The following COL6A6 variants were observed in gnomAD, a reference collection of about 807,000 sequenced individuals.
The protein encoded by COL6A6 is collagen type VI alpha 6 chain.
COL6A6 carries 183 observed loss-of-function variants against 208.6 expected under a neutral mutation model. The ratio of observed to expected loss-of-function variants is 0.88; its 90% CI spans 0.78 to 0.99. The LOEUF is 0.99. COL6A6 is among the 50% of genes least tolerant of loss of function. The pLI is 0.00. For synonymous variants in COL6A6, 973 were observed against 1,011.8 expected, an observed-to-expected ratio of 0.96 and a Z score of 0.73; for missense variants, 2,816 against 2,815.2, an observed-to-expected ratio of 1.00 and a Z score of -0.01.
chr3:130,525,307 G>C (rs2061937252), intron 1 of COL6A6, among the ~76,000 whole-genome samples: 1 of 152,118 alleles, frequency 6.6e-6, no homozygotes, highest in Non-Finnish European at 1.5e-5. Context: ...TATTTTTCAT[G>C]GTAAGAGGAA....
chr3:130,557,479 A>G (rs2062792520), intron 1 of COL6A6, among the ~76,000 whole-genome samples: 1 of 152,230 alleles, frequency 6.6e-6, no homozygotes, highest in African/African-American at 2.4e-5. Flanking sequence ...AATGGCTTGC[A>G]GAAAGGAAAT....
chr3:130,584,620 A>T (rs1160859434), intron 10 of COL6A6, among the ~76,000 whole-genome samples: 2 of 151,436 alleles, frequency 1.3e-5, no homozygotes, highest in Non-Finnish European at 2.9e-5. Flanking sequence ...TTTTTAAATT[A>T]ATTTATTTTT....
At chr3:130,529,149 T>A (rs1018551912) in intron 1 of COL6A6, among the ~76,000 whole-genome samples, 2 of 152,100 alleles carry the variant, frequency 1.3e-5, no homozygotes, top group African/African-American at 4.8e-5. Context: ...TAGCCCCTTA[T>A]TCTCTTTGCC....
At chr3:130,552,344 G>C (rs990446625) in intron 1 of COL6A6, among the ~76,000 whole-genome samples, 2 of 152,198 alleles carry the variant, frequency 1.3e-5, no homozygotes, top group African/African-American at 4.8e-5. Flanking sequence ...ACCTATTTAG[G>C]ATAGTTAGAT....
At chr3:130,525,393 G>A (rs148189759) in intron 1 of COL6A6, among the ~76,000 whole-genome samples, 3 of 152,298 alleles carry the variant, frequency 2.0e-5, no homozygotes, top group Non-Finnish European at 2.9e-5. Flanking sequence ...TCAAAATGGC[G>A]ATGTTTGAGA....
At chr3:130,641,769 G>A in intron 29 of COL6A6, 55 bp downstream of exon 29, 11 of 945,974 alleles carry the variant, frequency 1.2e-5, no homozygotes, top group Non-Finnish European at 1.6e-5. Flanking sequence ...AAAAAAAAAA[G>A]TCAGTGCATG....
rs983235754 is a variant in COL6A6, at chr3:130,598,239, A to G, written c.4534-126A>G. On this transcript the variant is annotated intron_variant, in intron 18 of 36. Coordinates refer to ENST00000358511, the MANE Select transcript of COL6A6 (RefSeq NM_001102608.3). ...TGTAAGCCATCTGTAATTTTAACCT[A>G]TTTCTGCTTTCAAATGGGTTGGAAT... The G allele has an allele frequency of 1.3e-5, 8 of 621,872 alleles. No homozygotes were observed. The African/African-American group carries it at 1.5e-4, about 11-fold the overall frequency. 38.5% of individuals were successfully genotyped at this position (621,872 alleles called of 1,614,324 possible).
chr3:130,633,915 G>T (rs2065017327), intron 26 of COL6A6, among the ~76,000 whole-genome samples: 1 of 37,236 alleles, frequency 2.7e-5, no homozygotes, highest in Non-Finnish European at 3.7e-5. Context: ...GGTCGGGGGA[G>T]GGGGGAGGGA....
Position 130,676,585 on chromosome 3 carries a change from G to C in COL6A6, c.*1188G>C. 6.6e-6 allele frequency: 1 copy of C among 152,228 alleles called. No individual in the cohort carries two copies. Among genetic ancestry groups the C allele is most frequent in the Middle Eastern group, 3.2e-3 (1 of 316 alleles). 9.4% of individuals were successfully genotyped at this position (152,228 alleles called of 1,614,324 possible). On this transcript the variant is annotated 3_prime_UTR_variant, in exon 37 of 37. Transcript: ENST00000358511. ...CTCTTTGGGAATGGAAAGAAGCCCT[G>C]CCTGGATGCATGGAGCAGATGGATA...
intron 32 of COL6A6, 30 bp from the exon 33 acceptor site, chr3:130,649,039 T>C: frequency 7.0e-7 from 1 of 1,437,662 alleles, no homozygotes; most frequent in African/African-American, 1.4e-5. Flanking sequence ...TAAATAAGGA[T>C]GCTATGTGTT....
chr3:130,636,692 T>C (rs2065118524), intron 28 of COL6A6, among the ~76,000 whole-genome samples: 3 of 151,502 alleles, frequency 2.0e-5, no homozygotes, highest in Admixed American at 1.3e-4. Flanking sequence ...GTGTAGGTTT[T>C]AGGGGTACAA....
chr3:130,562,285 CA>C (rs1463659956), intron 2 of COL6A6, among the ~76,000 whole-genome samples: 1 of 152,144 alleles, frequency 6.6e-6, no homozygotes, highest in African/African-American at 2.4e-5. Context: ...AAAGGTTAAG[CA>C]AAGTATTACA....
At chr3:130,536,291 C>T (rs374067379) in intron 1 of COL6A6, among the ~76,000 whole-genome samples, 3 of 152,202 alleles carry the variant, frequency 2.0e-5, no homozygotes, top group African/African-American at 7.2e-5. Context: ...ACAAGAGACA[C>T]CTGTCTCTTT....
In COL6A6 at chr3:130,567,228, A is replaced by C; in HGVS notation, c.1809A>C (p.Arg603Ser). 1 of 1,612,048 alleles carries C rather than the reference A, an allele frequency of 6.2e-7. No individual in the cohort carries two copies. The highest frequency in any genetic ancestry group is 8.5e-7 in the Non-Finnish European group (1 of 1,179,116). Residue 603 changes from arginine to serine, a missense_variant, in exon 5 of 37, where the codon AGA (arginine) becomes AGC (serine). Arg to Ser is a moderately radical substitution (Grantham distance 110). Transcript: ENST00000358511. ...ACTTTGATGCATTGAAAGACATAAGAAACCAAGTTGTTCAAGAAATCTGTA... is the reference window on the plus strand; with the variant it reads ...ACTTTGATGCATTGAAAGACATAAGCAACCAAGTTGTTCAAGAAATCTGTA... ...VHDFDALKDIRNQVVQEICTE... is the reference protein window; with the variant it reads ...VHDFDALKDISNQVVQEICTE...
At chr3:130,606,056 A>G (rs2064174549) in intron 20 of COL6A6, among the ~76,000 whole-genome samples, 1 of 152,264 alleles carries the variant, frequency 6.6e-6, no homozygotes, top group South Asian at 2.1e-4. Flanking sequence ...AACTATATCA[A>G]ATAGATTTTG....
chr3:130,536,609 C>T (rs1196764658), intron 1 of COL6A6, among the ~76,000 whole-genome samples: 1 of 152,158 alleles, frequency 6.6e-6, no homozygotes, highest in Non-Finnish European at 1.5e-5. Context: ...TTTAAACACA[C>T]ATCTAAGGAA....
intron 6 of COL6A6, among the ~76,000 whole-genome samples, chr3:130,570,535 T>G (rs1198047403): frequency 6.6e-6 from 1 of 152,224 alleles, no homozygotes; most frequent in Non-Finnish European, 1.5e-5. Flanking sequence ...TTAAAATTTT[T>G]TATTCCTGGC....
intron 1 of COL6A6, among the ~76,000 whole-genome samples, chr3:130,551,918 C>G (rs2062651836): frequency 6.6e-6 from 1 of 152,024 alleles, no homozygotes; most frequent in Non-Finnish European, 1.5e-5. Flanking sequence ...ATTATTTACC[C>G]AAAAGTCATT....
At position 130,661,974 on chromosome 3, in the gene COL6A6, T is replaced by C. The variant is rs1576419637; in HGVS notation, c.6168T>C (p.Asn2056=). ...TGCACGAGTCAGTTAAACAACTAAA[T>C]GGAGATGCTTTTATTGGTCATGCCT... ...RHVHESVKQL[N]GDAFIGHALQ... Residue 2056 remains asparagine, a synonymous_variant, in exon 35 of 37, where the codon AAT becomes AAC. Coordinates refer to ENST00000358511, the MANE Select transcript of COL6A6 (RefSeq NM_001102608.3). The C allele has an allele frequency of 6.2e-7, 1 of 1,613,790 alleles. No individual in the cohort carries two copies. Among genetic ancestry groups the C allele is most frequent in the African/African-American group, 1.3e-5 (1 of 75,024 alleles).
Sources: gnomAD v4.1 joint callset for allele counts (sites outside exome capture counted in the v4.1 genomes callset) on GRCh38, gnomAD v4.1.1 for gene constraint, MANE v1.5 for transcripts, NCBI Gene and HGNC (gene_info 2026-07-23, HGNC 2026-07-21) for gene names.